The following PLS1 variants were observed in gnomAD, a reference collection of about 807,000 sequenced individuals.
The protein encoded by PLS1 is plastin-1.
A neutral mutation model predicts 73.7 loss-of-function variants in PLS1; 32 were observed. That is an observed-to-expected ratio of 0.43 (90% confidence interval 0.33 to 0.58). The LOEUF (loss-of-function observed/expected upper bound fraction) is 0.58, where lower values mean the gene tolerates loss of function less well. Ranked by LOEUF, PLS1 falls within the 20% of genes least tolerant of loss-of-function variation. The probability of loss-of-function intolerance (pLI) is 0.04; values close to 1 mark genes in which losing one functional copy is unlikely to be tolerated. For missense variants in PLS1, 633 were observed against 740.5 expected (o/e 0.85, Z 1.68); for synonymous variants, 217 against 261.3 (o/e 0.83, Z 1.63).
chr3:142,691,452 A>C (rs367680012), intron 10 of PLS1, among the ~76,000 whole-genome samples: 8 of 152,288 alleles, frequency 5.3e-5, no homozygotes, highest in Non-Finnish European at 1.0e-4. Context: ...TTAGAGTGGC[A>C]TATTAAAAAT....
At chr3:142,600,908 A>ATT (rs2035909819) in intron 1 of PLS1, among the ~76,000 whole-genome samples, 2 of 27,528 alleles carry the variant, frequency 7.3e-5, no homozygotes, top group Non-Finnish European at 1.1e-4. Context: ...ATATATATAT[A>ATT]TATATATATT....
rs546921623 is a variant in PLS1, at chr3:142,629,682, A to G, written c.-37+33173A>G. ...GCCAGTTCTTACCAGCCACACGGTA[A>G]AAAACCATGTAGTAATGTACAGCTT... On this transcript the variant is annotated intron_variant, in intron 1 of 15. Transcript: ENST00000457734. Among the ~76,000 whole-genome samples, 61 of 152,316 alleles carry G rather than the reference A, an allele frequency of 4.0e-4. No homozygotes were observed. The South Asian group carries it at 0.012, about 29-fold the overall frequency.
chr3:142,638,144 G>A (rs369341327), intron 1 of PLS1, among the ~76,000 whole-genome samples: 1 of 152,136 alleles, frequency 6.6e-6, no homozygotes, highest in East Asian at 1.9e-4. Context: ...GTCGTTTTAA[G>A]CATGCAATCT....
chr3:142,670,913 AAAG>A (rs1327128275), intron 3 of PLS1, 77 bp from the exon 4 acceptor site: 2 of 919,414 alleles, frequency 2.2e-6, no homozygotes, highest in African/African-American at 3.3e-5. Flanking sequence ...CATTTCAAAT[AAAG>A]AAGTGTAAAT....
chr3:142,687,399 GTACT>G (rs1233333306), intron 9 of PLS1, among the ~76,000 whole-genome samples: 2 of 152,234 alleles, frequency 1.3e-5, no homozygotes, highest in East Asian at 3.9e-4. Flanking sequence ...AATATATCAC[GTACT>G]TAAAGTGCGG....
At position 142,686,394 on chromosome 3, in the gene PLS1, CT is replaced by C. The variant is rs749613927; in HGVS notation, c.981+22del. ...GAATTAATGTGAGTGCAATTTTTAA[CT>C]TTTAAAATATATTGTGGTAAAACAG... is the stretch of plus-strand genomic sequence containing the variant. On this transcript the variant is annotated intron_variant, in intron 9 of 15. Coordinates refer to ENST00000457734, the MANE Select transcript of PLS1 (RefSeq NM_001145319.2). 1.4e-6 allele frequency: 2 copies of C among 1,434,916 alleles called. No individual in the cohort carries two copies. The highest frequency in any genetic ancestry group is 2.0e-6 in the Non-Finnish European group (2 of 1,016,798). 88.9% of individuals were successfully genotyped at this position (1,434,916 alleles called of 1,614,324 possible). A position where few individuals can be genotyped will look rare whatever the true frequency, so the allele number is the denominator to read the frequency against.
In PLS1 at chr3:142,684,186, A is replaced by G; in HGVS notation, c.745+15A>G. The G allele has an allele frequency of 6.2e-7, 1 of 1,613,870 alleles. No homozygotes were observed. The highest frequency in any genetic ancestry group is 8.5e-7 in the Non-Finnish European group (1 of 1,179,774). ...CAGGAATGAAGGTAAGATCATTAGAAATATTTGCTGTTCATTGACATGTAC... is the reference window on the plus strand; with the variant it reads ...CAGGAATGAAGGTAAGATCATTAGAGATATTTGCTGTTCATTGACATGTAC... On this transcript the variant is annotated intron_variant, in intron 7 of 15. Transcript: ENST00000457734.
chr3:142,711,730 T>G (rs1307568732), intron 15 of PLS1, 105 bp downstream of exon 15: 1 of 1,286,152 alleles, frequency 7.8e-7, no homozygotes, highest in Middle Eastern at 1.9e-4. Context: ...AAATATAACT[T>G]ATATGTGAGT....
chr3:142,641,291 T>C (rs558399524), intron 1 of PLS1, among the ~76,000 whole-genome samples: 168 of 146,416 alleles, frequency 1.1e-3, no homozygotes, highest in Middle Eastern at 7.2e-3. Flanking sequence ...ATCTATATTA[T>C]ATATAGATAA....
At chr3:142,688,541 C>A (rs1209329579) in intron 9 of PLS1, among the ~76,000 whole-genome samples, 1 of 152,200 alleles carries the variant, frequency 6.6e-6, no homozygotes, top group African/African-American at 2.4e-5. Flanking sequence ...TTCCCTATCC[C>A]ACCTCGGTTT....
intron 1 of PLS1, among the ~76,000 whole-genome samples, chr3:142,631,703 T>C (rs1388938048): frequency 6.8e-6 from 1 of 148,076 alleles, no homozygotes; most frequent in African/African-American, 2.5e-5. Context: ...AGTTGAACCT[T>C]ATACCATATG....
intron 1 of PLS1, among the ~76,000 whole-genome samples, chr3:142,630,420 C>CAAAAAAAA (rs71153980): frequency 9.1e-6 from 1 of 110,324 alleles, no homozygotes; most frequent in African/African-American, 3.5e-5. Flanking sequence ...GACCCTGCCT[C>CAAAAAAAA]AAAAAAAAAA....
intron 1 of PLS1, among the ~76,000 whole-genome samples, chr3:142,604,467 G>T (rs1376683042): frequency 6.6e-6 from 1 of 152,086 alleles, no homozygotes; most frequent in Non-Finnish European, 1.5e-5. Flanking sequence ...GAGTGACCTA[G>T]TTATTGGAAT....
chr3:142,689,862 G>T (rs1438654059), intron 10 of PLS1, 49 bp downstream of exon 10: 3 of 1,210,600 alleles, frequency 2.5e-6, no homozygotes, highest in African/African-American at 3.1e-5. Flanking sequence ...TCTTCTTATG[G>T]TATTGTCTTA....
At chr3:142,597,573 A>G (rs1459783490) in intron 1 of PLS1, among the ~76,000 whole-genome samples, 1 of 152,196 alleles carries the variant, frequency 6.6e-6, no homozygotes, top group Non-Finnish European at 1.5e-5. Flanking sequence ...CCCATGATAA[A>G]TGTTTTAATG....
intron 12 of PLS1, chr3:142,698,384 A>G (rs1021002088): frequency 5.2e-6 from 1 of 191,358 alleles, no homozygotes; most frequent in African/African-American, 2.4e-5. Flanking sequence ...CCACTCATTT[A>G]TTCAACAGAT....
intron 6 of PLS1, among the ~76,000 whole-genome samples, chr3:142,679,557 C>G (rs1218949186): frequency 6.6e-6 from 1 of 152,182 alleles, no homozygotes; most frequent in Non-Finnish European, 1.5e-5. Flanking sequence ...TTGTTTTTCT[C>G]CAGTTTGTCA....
At chr3:142,612,656 G>C (rs1046150422) in intron 1 of PLS1, among the ~76,000 whole-genome samples, 2 of 152,134 alleles carry the variant, frequency 1.3e-5, no homozygotes, top group Admixed American at 6.5e-5. Context: ...AGAGGCTGAG[G>C]TGGGAGGATC....
rs1484405728 is a variant in PLS1 at position 142,669,439 on chromosome 3, T to A, written c.120T>A (p.Phe40Leu). ...YVSDYELQDL[F>L]KEASLPLPGY... ...GTGACTATGAACTTCAAGACCTGTTTAAGGAAGCAAGCCTTCCTCTGCCTG... is the reference window on the plus strand; with the variant it reads ...GTGACTATGAACTTCAAGACCTGTTAAAGGAAGCAAGCCTTCCTCTGCCTG... The change falls in exon 3 of 16, where the codon TTT (phenylalanine) becomes TTA (leucine). Residue 40 changes from phenylalanine (F) to leucine (L), a missense_variant. Transcript: ENST00000457734. 6.2e-7 allele frequency: 1 copy of A among 1,607,900 alleles called. No homozygotes were observed. The highest frequency in any genetic ancestry group is 1.1e-5 in the South Asian group (1 of 90,892).
Sources: gnomAD v4.1 joint callset for allele counts (sites outside exome capture counted in the v4.1 genomes callset) on GRCh38, gnomAD v4.1.1 for gene constraint, MANE v1.5 for transcripts, NCBI Gene and HGNC (gene_info 2026-07-23, HGNC 2026-07-21) for gene names.